Variants in HNRNPH1 observed in about 807,000 individuals in gnomAD.
HNRNPH1 encodes heterogeneous nuclear ribonucleoprotein H.
A neutral mutation model predicts 58.6 loss-of-function variants in HNRNPH1; 4 were observed. That is an observed-to-expected ratio of 0.07 (90% CI 0.03 to 0.16). HNRNPH1 has a LOEUF of 0.16. Among genes scored for constraint, HNRNPH1 ranks in the 10% least tolerant of loss-of-function variants. The pLI, the probability that HNRNPH1 is intolerant of heterozygous loss-of-function variation, is 1.00. For synonymous variants in HNRNPH1, 192 were observed against 189.2 expected (o/e 1.01, Z -0.12); for missense variants, 271 against 564.2 (o/e 0.48, Z 5.26).
intron 2 of HNRNPH1, among the ~76,000 whole-genome samples, chr5:179,630,649 C>T (rs1178274206): frequency 1.3e-5 from 2 of 151,712 alleles, no homozygotes; most frequent in African/African-American, 4.8e-5. Flanking sequence ...CGGGGGCTCA[C>T]GCCTGTAATC....
intron 2 of HNRNPH1, among the ~76,000 whole-genome samples, chr5:179,633,203 G>C (rs959921029): frequency 6.6e-6 from 1 of 151,774 alleles, no homozygotes; most frequent in Non-Finnish European, 1.5e-5. Flanking sequence ...TGTTGGTCAT[G>C]CTGGTGTTGA....
intron 10 of HNRNPH1, 69 bp downstream of exon 11, chr5:179,616,796 AGATT>A (rs777773093): frequency 7.8e-5 from 98 of 1,250,320 alleles, no homozygotes; most frequent in East Asian, 1.2e-4. Context: ...TTAAATAAAT[AGATT>A]AACTTAACTT....
chr5:179,614,969 G>A lies in HNRNPH1; in HGVS notation c.*1-10C>T. 1 of 1,453,776 alleles carries A rather than the reference G, an allele frequency of 6.9e-7. No individual in the cohort carries two copies. The allele number at this position is 1,453,776 out of a possible 1,614,324, so 90.1% of individuals were successfully genotyped here. ...ACTGCTCCTTGGTTACCTGCAAAGA[G>A]ATCAATTTGACAAGTTAGGAGTAAT... On this transcript the variant is annotated splice_polypyrimidine_tract_variant and intron_variant, in intron 12 of 12. Coordinates refer to ENST00000356731, the Ensembl canonical transcript of HNRNPH1.
intron 3 of HNRNPH1, 24 bp from the exon 5 acceptor site, chr5:179,619,431 C>A: frequency 2.5e-6 from 4 of 1,592,868 alleles, no homozygotes; most frequent in Non-Finnish European, 3.4e-6. Flanking sequence ...ACAAATAACC[C>A]CAGTAGGGGG....
At chr5:179,620,657 A>C (rs1771911756) in intron 3 of HNRNPH1, 1 of 451,082 alleles carries the variant, frequency 2.2e-6, no homozygotes, top group Non-Finnish European at 4.0e-6. Context: ...CCTCAATGAA[A>C]GATCTACTCT....
At chr5:179,616,684 T>C in intron 10 of HNRNPH1, 185 bp downstream of exon 11, 2 of 610,342 alleles carry the variant, frequency 3.3e-6, no homozygotes, top group South Asian at 4.4e-5. Context: ...ATTTGAATTA[T>C]CTATCCTAAG....
intron 2 of HNRNPH1, among the ~76,000 whole-genome samples, chr5:179,631,911 C>A (rs1400710409): frequency 6.6e-6 from 1 of 151,878 alleles, no homozygotes; most frequent in Non-Finnish European, 1.5e-5. Flanking sequence ...TGGGGAGACC[C>A]TCTCTCAAAA....
chr5:179,621,048 CTTAGAA>C lies in HNRNPH1; in HGVS notation c.254-19_254-14del. 1 of 1,612,202 alleles carries C rather than the reference CTTAGAA, an allele frequency of 6.2e-7. No homozygotes were observed. The highest frequency in any genetic ancestry group is 8.5e-7 in the Non-Finnish European group (1 of 1,178,676). On this transcript the variant is annotated splice_polypyrimidine_tract_variant and intron_variant, in intron 2 of 12. Coordinates refer to ENST00000356731, the Ensembl canonical transcript of HNRNPH1. Reference sequence around the variant, plus strand: ...TTTGACTTGAATACTGAAAGAGGTGCTTAGAATTAGTCACTTTTGGAAAATTAGATA... The same window carrying C: ...TTTGACTTGAATACTGAAAGAGGTGCTTAGTCACTTTTGGAAAATTAGATA...
exon 8 of HNRNPH1, chr5:179,617,602 A>C (rs1446739822): frequency 6.2e-7 from 1 of 1,614,008 alleles, no homozygotes; most frequent in Non-Finnish European, 8.5e-7. Flanking sequence ...CTCTGCCATC[A>C]GGACCAATTT....
chr5:179,620,713 T>C, intron 3 of HNRNPH1, 179 bp downstream of exon 4: 1 of 592,634 alleles, frequency 1.7e-6, no homozygotes. Context: ...TTGGAAGTAC[T>C]TCATTTCCAC....
chr5:179,615,833 T>G, intron 11 of HNRNPH1: 2 of 519,990 alleles, frequency 3.8e-6, no homozygotes, highest in Non-Finnish European at 6.8e-6. Context: ...GCAGATATTT[T>G]CTGGCTCGAC....
chr5:179,625,358 T>TGGTG (rs33978952), upstream of HNRNPH1, among the ~76,000 whole-genome samples: 150,841 of 152,182 alleles, frequency 0.99, 74,778 homozygotes, highest in East Asian at 1. Flanking sequence ...TATCTATGCA[T>TGGTG]GCACACGCCT....
intron 11 of HNRNPH1, 165 bp from the exon 13 acceptor site, chr5:179,615,760 G>GACTTA (rs1470513945): frequency 5.7e-6 from 3 of 528,420 alleles, no homozygotes; most frequent in African/African-American, 1.9e-5. Context: ...GTCTAAAACT[G>GACTTA]ACTTAATGCT....
intron 2 of HNRNPH1, 25 bp downstream of exon 3, chr5:179,621,217 G>A (rs200530125): frequency 3.1e-6 from 5 of 1,603,816 alleles, no homozygotes; most frequent in African/African-American, 1.3e-5. Flanking sequence ...TTTATTTACT[G>A]TAACTAGGGC....
chr5:179,617,676 TCAAC>T (rs755558278), intron 7 of HNRNPH1, 27 bp from the exon 9 acceptor site: 1 of 1,608,628 alleles, frequency 6.2e-7, no homozygotes, highest in East Asian at 2.2e-5. Flanking sequence ...TTCAAAGAAT[TCAAC>T]CAACTTTCTA....
chr5:179,618,338 A>G lies in HNRNPH1; in HGVS notation c.537-15T>C, dbSNP rs763766930. On this transcript the variant is annotated splice_polypyrimidine_tract_variant and intron_variant, in intron 4 of 12. Coordinates refer to ENST00000356731, the Ensembl canonical transcript of HNRNPH1. ...TTTCAATATACCTAAAGCATTGTTC[A>G]TAAGGAAGGGGTAGGGAGGGGAGAG... is the stretch of plus-strand genomic sequence containing the variant. 1.1e-5 allele frequency: 17 copies of G among 1,585,066 alleles called. No individual in the cohort carries two copies. The East Asian group carries it at 1.3e-4, about 13-fold the overall frequency.
At chr5:179,621,143 T>C in intron 2 of HNRNPH1, 99 bp downstream of exon 3, 6 of 1,495,492 alleles carry the variant, frequency 4.0e-6, no homozygotes, top group Non-Finnish European at 5.6e-6. Context: ...CTCCCTTAGA[T>C]GACCATTTCC....
intron 3 of HNRNPH1, chr5:179,620,660 TCTACTCTGAACTATAATA>T: frequency 2.1e-6 from 1 of 466,138 alleles, no homozygotes; most frequent in Non-Finnish European, 3.9e-6. Flanking sequence ...CAATGAAAGA[TCTACTCTGAACTATAATA>T]CTAAATATAG....
At chr5:179,617,900 G>T in exon 7 of HNRNPH1, 1 of 1,613,902 alleles carries the variant, frequency 6.2e-7, no homozygotes, top group South Asian at 1.1e-5. Flanking sequence ...CCGTATCTGT[G>T]ATCAGACATT....
Sources: gnomAD v4.1 joint callset for allele counts (sites outside exome capture counted in the v4.1 genomes callset) on GRCh38, gnomAD v4.1.1 for gene constraint, MANE v1.5 for transcripts, NCBI Gene and HGNC (gene_info 2026-07-23, HGNC 2026-07-21) for gene names.